PMS1: variants seen among roughly 807,000 people sequenced by gnomAD.
PMS1 encodes the protein PMS1 homolog 1, mismatch repair system component.
In PMS1, 79 loss-of-function variants were observed where a neutral mutation model predicts 93.1. That is an observed-to-expected ratio of 0.85 (90% confidence interval 0.71 to 1.02). The LOEUF (loss-of-function observed/expected upper bound fraction) is 1.02, where lower values mean the gene tolerates loss of function less well. Ranked by LOEUF, PMS1 falls within the 50% of genes least tolerant of loss-of-function variation. The pLI, the probability that PMS1 is intolerant of heterozygous loss-of-function variation, is 0.00. For synonymous variants in PMS1, 335 were observed against 363.4 expected (o/e 0.92, Z 0.89); for missense variants, 1,064 against 1,085.3 (o/e 0.98, Z 0.28).
chr2:189,793,821 A>G (rs1018357246), intron 2 of PMS1, among the ~76,000 whole-genome samples: 1 of 152,224 alleles, frequency 6.6e-6, no homozygotes, highest in Non-Finnish European at 1.5e-5. Context: ...TCTACATGAT[A>G]AGACCTGTTT....
chr2:189,813,150 G>A (rs1027599207), intron 4 of PMS1, among the ~76,000 whole-genome samples: 10 of 152,304 alleles, frequency 6.6e-5, no homozygotes, highest in Admixed American at 2.0e-4. Flanking sequence ...AGAATAGATA[G>A]ACCTATAAGA....
intron 5 of PMS1, among the ~76,000 whole-genome samples, chr2:189,825,802 G>A (rs2052380300): frequency 2.0e-5 from 3 of 152,198 alleles, no homozygotes; most frequent in Non-Finnish European, 4.4e-5. Flanking sequence ...TATCACATGA[G>A]CATTAAGGCT....
At chr2:189,876,770 CTTTTTTTT>C (rs150660131) in intron 12 of PMS1, among the ~76,000 whole-genome samples, 1 of 117,904 alleles carries the variant, frequency 8.5e-6, no homozygotes, top group Non-Finnish European at 1.7e-5. Flanking sequence ...ACCGTGCCCA[CTTTTTTTT>C]TTTTTTTTTT....
intron 5 of PMS1, among the ~76,000 whole-genome samples, chr2:189,842,977 T>TATACAC (rs958789636): frequency 7.3e-6 from 1 of 136,926 alleles, no homozygotes; most frequent in Non-Finnish European, 1.5e-5. Flanking sequence ...TATATATATA[T>TATACAC]ACACACACAC....
chr2:189,792,710 T>C (rs1285364786), intron 2 of PMS1, among the ~76,000 whole-genome samples: 1 of 146,350 alleles, frequency 6.8e-6, no homozygotes, highest in Non-Finnish European at 1.5e-5. Flanking sequence ...TATATATATA[T>C]ATATATATAT....
chr2:189,860,800 ATTTTTTTTTTTTTTTTTTTTTTTTT>A (rs1158514130), intron 9 of PMS1, among the ~76,000 whole-genome samples: 2 of 40,994 alleles, frequency 4.9e-5, no homozygotes, highest in African/African-American at 8.6e-5. Context: ...TCTTTGAGGA[ATTTTTTTTTTTTTTTTTTTTTTTTT>A]TTTTTTTTTT....
chr2:189,870,056 G>T (rs1575387365), intron 11 of PMS1, among the ~76,000 whole-genome samples: 1 of 124,962 alleles, frequency 8.0e-6, no homozygotes, highest in South Asian at 2.3e-4. Context: ...AAACTGACTT[G>T]ATTTGATTGG....
chr2:189,874,452 G>A (rs762521419), intron 12 of PMS1, among the ~76,000 whole-genome samples: 3 of 152,192 alleles, frequency 2.0e-5, no homozygotes, highest in Non-Finnish European at 4.4e-5. Context: ...AAAGAGAAAT[G>A]TAAGAGTGGG....
At chr2:189,835,650 G>T (rs551950383) in intron 5 of PMS1, among the ~76,000 whole-genome samples, 1 of 152,210 alleles carries the variant, frequency 6.6e-6, no homozygotes, top group South Asian at 2.1e-4. Flanking sequence ...ATTTGCCTGG[G>T]TATGGTGGCT....
At chr2:189,825,491 C>T (rs529575311) in intron 5 of PMS1, among the ~76,000 whole-genome samples, 1 of 152,230 alleles carries the variant, frequency 6.6e-6, no homozygotes, top group African/African-American at 2.4e-5. Flanking sequence ...GTATTCTTAG[C>T]TATTTCATAT....
chr2:189,847,009 G>A (rs544664959), intron 6 of PMS1, among the ~76,000 whole-genome samples: 4 of 151,674 alleles, frequency 2.6e-5, no homozygotes, highest in Non-Finnish European at 5.9e-5. Context: ...TTGCAGGTGC[G>A]CACCACCACA....
chr2:189,785,435 C>CG (rs1298258931), intron 1 of PMS1: 1 of 152,216 alleles, frequency 6.6e-6, no homozygotes, highest in South Asian at 2.1e-4. Context: ...GGAAGACTGA[C>CG]TATCCTGATA....
chr2:189,866,991 T>A (rs5743166), intron 10 of PMS1, among the ~76,000 whole-genome samples: 2,420 of 152,302 alleles, frequency 0.016, 31 homozygotes, highest in Non-Finnish European at 0.023. Flanking sequence ...CTCTATAATA[T>A]TAGCTCTCAC....
chr2:189,819,580 A>G (rs1331511447), intron 5 of PMS1, among the ~76,000 whole-genome samples: 1 of 152,188 alleles, frequency 6.6e-6, no homozygotes. Context: ...CATTCTGACT[A>G]AGGCAAGATG....
chr2:189,839,132 T>C (rs1381281831), intron 5 of PMS1, among the ~76,000 whole-genome samples: 2 of 151,996 alleles, frequency 1.3e-5, no homozygotes, highest in African/African-American at 2.4e-5. Flanking sequence ...GCTAGGATTA[T>C]GGGTGCCCGC....
At chr2:189,787,552 TG>T in intron 1 of PMS1, among the ~76,000 whole-genome samples, 1 of 152,296 alleles carries the variant, frequency 6.6e-6, no homozygotes, top group Non-Finnish European at 1.5e-5. Context: ...TTTGATATTT[TG>T]AATATATTAG....
At chr2:189,785,704 G>A (rs5742940) in intron 1 of PMS1, among the ~76,000 whole-genome samples, 1,808 of 129,728 alleles carry the variant, frequency 0.014, 15 homozygotes, top group Non-Finnish European at 0.02. Context: ...GCAGGTGAAG[G>A]AAAGGAGGCT....
intron 5 of PMS1, among the ~76,000 whole-genome samples, chr2:189,828,397 A>G (rs1575168335): frequency 6.6e-6 from 1 of 152,246 alleles, no homozygotes; most frequent in East Asian, 1.9e-4. Flanking sequence ...TATTATGTAT[A>G]CATGCATTAA....
intron 5 of PMS1, among the ~76,000 whole-genome samples, chr2:189,825,045 GACAA>G (rs1009053323): frequency 2.0e-5 from 3 of 151,776 alleles, no homozygotes; most frequent in Non-Finnish European, 4.4e-5. Flanking sequence ...CTGCATTAGA[GACAA>G]ACAATCATAT....
Sources: allele counts gnomAD v4.1 joint callset (sites outside exome capture counted in the v4.1 genomes callset), GRCh38; gene constraint gnomAD v4.1.1; transcripts MANE v1.5; gene names NCBI Gene and HGNC (gene_info 2026-07-23, HGNC 2026-07-21).